The following RASA2 variants were observed in gnomAD, a reference collection of about 807,000 sequenced individuals.
RASA2 encodes the protein ras GTPase-activating protein 2.
Under a neutral mutation model 118.2 loss-of-function variants are expected in RASA2, and 155 were observed. The observed-to-expected ratio is 1.31, with a 90% CI of 1.15 to 1.50. The LOEUF is 1.50. RASA2 is among the 40% of genes most tolerant of loss of function. RASA2 has a pLI of 0.00. For synonymous variants in RASA2, 353 were observed against 349.1 expected (o/e 1.01, Z -0.12); for missense variants, 1,016 against 1,009.6 (o/e 1.01, Z -0.09).
chr3:141,558,851 T>A (rs955157136), intron 7 of RASA2, 35 bp from the exon 8 acceptor site: 317 of 1,472,068 alleles, frequency 2.2e-4, no homozygotes, highest in Middle Eastern at 3.9e-4. Flanking sequence ...TGTATTTTTT[T>A]AAAAAAAATT....
intron 5 of RASA2, among the ~76,000 whole-genome samples, chr3:141,542,805 T>C (rs2082424757): frequency 6.6e-6 from 1 of 152,160 alleles, no homozygotes; most frequent in African/African-American, 2.4e-5. Flanking sequence ...TTCTAACCCT[T>C]GGCAACCTCT....
At chr3:141,556,025 A>T in intron 7 of RASA2, 113 bp downstream of exon 7, 2 of 803,460 alleles carry the variant, frequency 2.5e-6, no homozygotes, top group Non-Finnish European at 2.0e-6. Context: ...AATGCAGATA[A>T]GCATTTCTCT....
intron 19 of RASA2, among the ~76,000 whole-genome samples, chr3:141,588,534 T>A (rs1345413354): frequency 6.6e-6 from 1 of 152,226 alleles, no homozygotes; most frequent in Non-Finnish European, 1.5e-5. Flanking sequence ...AGAGAGCTTC[T>A]GCTGTAAATT....
chr3:141,512,589 G>C (rs1295989418), intron 2 of RASA2, among the ~76,000 whole-genome samples: 1 of 152,160 alleles, frequency 6.6e-6, no homozygotes, highest in African/African-American at 2.4e-5. Context: ...TAACTTAGTA[G>C]TGCATTATCA....
chr3:141,560,005 C>A lies in RASA2; in HGVS notation c.863+10C>A. 1 of 1,602,062 alleles carries A rather than the reference C, an allele frequency of 6.2e-7. No individual in the cohort carries two copies. Among genetic ancestry groups the A allele is most frequent in the Non-Finnish European group, 8.5e-7 (1 of 1,169,682 alleles). ...CCTCTCATCAAGCCTGGTAAGGGCC[C>A]AGCATTTTAGTGAACTCCATAGTTT... is the stretch of plus-strand genomic sequence containing the variant. On this transcript the variant is annotated intron_variant, in intron 9 of 23. Transcript: ENST00000286364.
At chr3:141,527,503 G>A (rs998327246) in intron 3 of RASA2, among the ~76,000 whole-genome samples, 1 of 151,970 alleles carries the variant, frequency 6.6e-6, no homozygotes, top group African/African-American at 2.4e-5. Flanking sequence ...ATGTATTTCT[G>A]TATGTACATA....
chr3:141,571,182 A>T, intron 10 of RASA2, 114 bp downstream of exon 10: 1 of 1,162,196 alleles, frequency 8.6e-7, no homozygotes, highest in South Asian at 1.7e-5. Context: ...TAAAAATTAT[A>T]TACATACATA....
At position 141,573,179 on chromosome 3, in the gene RASA2, T is replaced by G; in HGVS notation, c.1317T>G (p.Asp439Glu). The change falls in exon 13 of 24, where the codon GAT (aspartate) becomes GAG (glutamate). Residue 439 changes from aspartate (D) to glutamate (E), a missense_variant. Coordinates refer to ENST00000286364, the MANE Select transcript of RASA2 (RefSeq NM_006506.5). Reference sequence around the variant, plus strand: ...ACTCCTCAAAATCCTGTGAAATCGATCCTATTAAATTGAAAGAGGGAGATA... The same window carrying G: ...ACTCCTCAAAATCCTGTGAAATCGAGCCTATTAAATTGAAAGAGGGAGATA... ...ICDSSKSCEIDPIKLKEGDNV... is the reference protein window; with the variant it reads ...ICDSSKSCEIEPIKLKEGDNV... 6.5e-7 allele frequency: 1 copy of G among 1,541,842 alleles called. No individual in the cohort carries two copies. Among genetic ancestry groups the G allele is most frequent in the Non-Finnish European group, 8.7e-7 (1 of 1,154,526 alleles).
Position 141,558,026 on chromosome 3 carries a change from A to T in RASA2, c.685-860A>T, listed in dbSNP as rs193017253. The stretch of plus-strand genomic sequence containing the variant: ...ACCAACACTCAAGGTTTGTTTATAT[A>T]AACAGCCAAGAAAGCCAAGAGAATA... On this transcript the variant is annotated intron_variant, in intron 7 of 23. Coordinates refer to ENST00000286364, the MANE Select transcript of RASA2 (RefSeq NM_006506.5). 3.5e-3 allele frequency among the ~76,000 whole-genome samples: 531 copies of T among 152,314 alleles called. 4 individuals are homozygous for T. Among genetic ancestry groups the T allele is most frequent in the Non-Finnish European group, 6.3e-3 (428 of 68,022 alleles).
intron 5 of RASA2, among the ~76,000 whole-genome samples, chr3:141,543,725 T>C (rs1454775373): frequency 6.6e-6 from 1 of 152,144 alleles, no homozygotes; most frequent in African/African-American, 2.4e-5. Context: ...AATGTACCAC[T>C]TCCTTGTGTC....
chr3:141,540,600 T>A lies in RASA2; in HGVS notation c.518T>A (p.Leu173His). 6.2e-7 allele frequency: 1 copy of A among 1,611,094 alleles called. No homozygotes were observed. The highest frequency in any genetic ancestry group is 8.5e-7 in the Non-Finnish European group (1 of 1,177,792). Residue 173 changes from leucine to histidine, a missense_variant, in exon 5 of 24, where the codon CTT becomes CAT. By Grantham distance (99) the Leu-to-His change is moderately conservative. This residue lies in a region of RASA2 where 896 missense variants were observed against 836.4 expected (regional missense o/e 1.07). Transcript: ENST00000286364. Reference sequence around the variant, plus strand: ...GAGAATGGAACTGTATGCCAGCAGCTTGTTGTACAGTAAGCATTTTTTTTA... The same window carrying A: ...GAGAATGGAACTGTATGCCAGCAGCATGTTGTACAGTAAGCATTTTTTTTA... ...ITENGTVCQQ[L>H]VVHIKACHGL...
chr3:141,591,526 G>C (rs2083285065), intron 19 of RASA2, among the ~76,000 whole-genome samples: 1 of 152,156 alleles, frequency 6.6e-6, no homozygotes, highest in East Asian at 1.9e-4. Context: ...AAGGCATATA[G>C]TAAGTATTCT....
At chr3:141,549,584 G>A (rs536339167) in intron 5 of RASA2, among the ~76,000 whole-genome samples, 8 of 151,996 alleles carry the variant, frequency 5.3e-5, no homozygotes, top group African/African-American at 1.9e-4. Flanking sequence ...TATCTTCACT[G>A]TCCAAAACAG....
At chr3:141,565,927 C>T (rs1052795778) in intron 9 of RASA2, among the ~76,000 whole-genome samples, 1 of 152,140 alleles carries the variant, frequency 6.6e-6, no homozygotes, top group Admixed American at 6.5e-5. Context: ...GATGTAATTT[C>T]TTCTTGTATT....
intron 19 of RASA2, among the ~76,000 whole-genome samples, chr3:141,593,702 C>T (rs1181150038): frequency 1.3e-5 from 2 of 152,222 alleles, no homozygotes; most frequent in East Asian, 1.9e-4. Flanking sequence ...TTAGCAAACA[C>T]TTAAATATTT....
At chr3:141,499,993 A>G (rs1011783966) in intron 1 of RASA2, among the ~76,000 whole-genome samples, 1 of 152,122 alleles carries the variant, frequency 6.6e-6, no homozygotes, top group African/African-American at 2.4e-5. Flanking sequence ...TTGCTTGACA[A>G]CTGAGTTATC....
At chr3:141,562,674 C>T (rs967078174) in intron 9 of RASA2, among the ~76,000 whole-genome samples, 10 of 147,522 alleles carry the variant, frequency 6.8e-5, no homozygotes, top group African/African-American at 1.5e-4. Context: ...CCAGAAATAA[C>T]GTTAAACTTT....
chr3:141,573,131 AAAATTT>A lies in RASA2; in HGVS notation c.1285-14_1285-9del. 1 of 1,549,630 alleles carries A rather than the reference AAAATTT, an allele frequency of 6.5e-7. No homozygotes were observed. Among genetic ancestry groups the A allele is most frequent in the Non-Finnish European group, 8.6e-7 (1 of 1,156,286 alleles). ...TACTTAGAAAAAAATCATTAACTGA[AAAATTT>A]ATTTTTCAGATATGTGACTCCTCAA... is the stretch of plus-strand genomic sequence containing the variant. On this transcript the variant is annotated splice_polypyrimidine_tract_variant and intron_variant, in intron 12 of 23. Transcript: ENST00000286364.
In RASA2 at chr3:141,586,755, A is replaced by G; in HGVS notation, c.1933+3A>G. The G allele has an allele frequency of 1.2e-6, 2 of 1,602,440 alleles. No homozygotes were observed. The highest frequency in any genetic ancestry group is 1.7e-6 in the Non-Finnish European group (2 of 1,169,730). On this transcript the variant is annotated splice_donor_region_variant and intron_variant, in intron 19 of 23. Transcript: ENST00000286364. ...GCTCACCTACCACAAACAGCCAGGT[A>G]GTTGTGTTTATGCTTTATTGTGGGG...
Sources: gnomAD v4.1 joint callset for allele counts (sites outside exome capture counted in the v4.1 genomes callset) on GRCh38, gnomAD v4.1.1 for gene constraint, gnomAD v4.1.1 regional missense constraint, MANE v1.5 for transcripts, NCBI Gene and HGNC (gene_info 2026-07-23, HGNC 2026-07-21) for gene names.